The following OPCML variants were observed in gnomAD, a reference collection of about 807,000 sequenced individuals.
The protein encoded by OPCML is opioid binding protein/cell adhesion molecule like.
Under a neutral mutation model 37.8 loss-of-function variants are expected in OPCML, and 13 were observed. The ratio of observed to expected loss-of-function variants is 0.34; its 90% CI spans 0.22 to 0.55. OPCML has a LOEUF of 0.55. Ranked by LOEUF, OPCML falls within the 20% of genes least tolerant of loss-of-function variation. OPCML has a pLI of 0.91. For synonymous variants in OPCML, 176 were observed against 168.8 expected, an observed-to-expected ratio of 1.04 and a Z score of -0.33; for missense variants, 341 against 435.6, an observed-to-expected ratio of 0.78 and a Z score of 1.93.
chr11:133,147,113 G>A (rs543399042), intron 1 of OPCML, among the ~76,000 whole-genome samples: 1 of 152,338 alleles, frequency 6.6e-6, no homozygotes, highest in African/African-American at 2.4e-5. Flanking sequence ...CTGAGTGTCA[G>A]GGGCTGCCGC....
At chr11:133,080,330 A>G (rs770561964) in intron 1 of OPCML, among the ~76,000 whole-genome samples, 1 of 152,146 alleles carries the variant, frequency 6.6e-6, no homozygotes, top group Non-Finnish European at 1.5e-5. Context: ...TTGATTTTCA[A>G]CAAGCTCTCA....
intron 1 of OPCML, among the ~76,000 whole-genome samples, chr11:133,163,824 C>T (rs554778214): frequency 2.6e-5 from 4 of 152,176 alleles, no homozygotes; most frequent in South Asian, 2.1e-4. Flanking sequence ...GAGTAGGCGC[C>T]ATTACTCCCT....
At chr11:132,540,427 C>T (rs138119001) in intron 3 of OPCML, among the ~76,000 whole-genome samples, 8 of 152,216 alleles carry the variant, frequency 5.3e-5, no homozygotes, top group Non-Finnish European at 1.2e-4. Flanking sequence ...AAAATACAAC[C>T]TCTCAGGATC....
At chr11:132,626,382 C>CA (rs938666949) in intron 3 of OPCML, among the ~76,000 whole-genome samples, 70 of 149,826 alleles carry the variant, frequency 4.7e-4, no homozygotes, top group Middle Eastern at 3.4e-3. Context: ...TAAAGCTGGA[C>CA]AAAAAAGAAA....
At chr11:133,429,971 G>T (rs1054607228) in intron 1 of OPCML, among the ~76,000 whole-genome samples, 1 of 152,124 alleles carries the variant, frequency 6.6e-6, no homozygotes, top group African/African-American at 2.4e-5. Flanking sequence ...GGATGGAAGC[G>T]GGGTAGAAGT....
chr11:132,819,814 C>T (rs1939866167), intron 2 of OPCML, among the ~76,000 whole-genome samples: 1 of 152,166 alleles, frequency 6.6e-6, no homozygotes, highest in Admixed American at 6.5e-5. Flanking sequence ...ATACTTTTCT[C>T]CAGATAACCA....
chr11:133,323,183 C>T (rs555621823), intron 1 of OPCML, among the ~76,000 whole-genome samples: 2 of 152,254 alleles, frequency 1.3e-5, no homozygotes, highest in South Asian at 4.1e-4. Flanking sequence ...TGGGGGAAGG[C>T]ATGTGCCAGA....
At chr11:132,589,023 A>G (rs2137690162) in intron 3 of OPCML, among the ~76,000 whole-genome samples, 1 of 152,364 alleles carries the variant, frequency 6.6e-6, no homozygotes, top group East Asian at 1.9e-4. Context: ...GTTTATTAGC[A>G]CGATATAGCC....
chr11:133,090,293 T>C (rs1375762493), intron 1 of OPCML, among the ~76,000 whole-genome samples: 4 of 152,104 alleles, frequency 2.6e-5, no homozygotes, highest in Admixed American at 2.6e-4. Flanking sequence ...AATGGGGACA[T>C]GGCTTTGGAA....
intron 1 of OPCML, among the ~76,000 whole-genome samples, chr11:133,499,787 T>TATATATGTGTGTGTATATATATATAC (rs1555167614): frequency 7.1e-6 from 1 of 141,516 alleles, no homozygotes; most frequent in African/African-American, 2.7e-5. Context: ...TATATATATA[T>TATATATGTGTGTGTATATATATATAC]ACACATATAT....
intron 3 of OPCML, among the ~76,000 whole-genome samples, chr11:132,646,291 A>G (rs947369404): frequency 9.2e-5 from 14 of 152,330 alleles, no homozygotes; most frequent in African/African-American, 3.4e-4. Context: ...AAAAATTTAA[A>G]AAGAAAGAAA....
At chr11:132,554,863 G>GTTTTTTTTTTTTTTTTTTTTTTTT (rs5795789) in intron 3 of OPCML, among the ~76,000 whole-genome samples, 25 of 64,028 alleles carry the variant, frequency 3.9e-4, no homozygotes, top group East Asian at 3.7e-3. Context: ...ATGGGGTAAA[G>GTTTTTTTTTTTTTTTTTTTTTTTT]TTTTTTTTTT....
chr11:133,017,134 C>G (rs1184337418), intron 1 of OPCML, among the ~76,000 whole-genome samples: 1 of 152,184 alleles, frequency 6.6e-6, no homozygotes, highest in Non-Finnish European at 1.5e-5. Flanking sequence ...CATCATCTTT[C>G]TGTGTCCTCA....
At chr11:133,037,597 T>C (rs1194207222) in intron 1 of OPCML, among the ~76,000 whole-genome samples, 1 of 152,212 alleles carries the variant, frequency 6.6e-6, no homozygotes, top group Non-Finnish European at 1.5e-5. Flanking sequence ...GAGTGAAATT[T>C]ATACTTAGCT....
At chr11:132,840,964 C>T (rs1038815522) in intron 2 of OPCML, among the ~76,000 whole-genome samples, 9 of 152,156 alleles carry the variant, frequency 5.9e-5, no homozygotes, top group African/African-American at 1.9e-4. Context: ...ACATGGGACA[C>T]TGCCTCTCAG....
Position 133,177,147 on chromosome 11 carries a change from T to C in OPCML, c.62-234137A>G, listed in dbSNP as rs1947758342. Among the ~76,000 whole-genome samples the C allele has an allele frequency of 6.6e-6, 1 of 152,248 alleles. No individual in the cohort carries two copies. The highest frequency in any genetic ancestry group is 1.5e-5 in the Non-Finnish European group (1 of 68,050). On this transcript the variant is annotated intron_variant, in intron 1 of 7. Transcript: ENST00000524381. The surrounding 1 kb of genome is among the most constrained non-coding windows in gnomAD (Gnocchi z 5.0). ...TCTGTAAAAATGAAGTGTATTCATT[T>C]ATTAATATTTATTCATATTTGAGAG...
intron 1 of OPCML, among the ~76,000 whole-genome samples, chr11:133,473,139 T>A (rs933414041): frequency 1.3e-5 from 2 of 152,150 alleles, no homozygotes; most frequent in Admixed American, 1.3e-4. Flanking sequence ...CACACTTACT[T>A]ACCTAGACTA....
At chr11:132,805,929 G>A (rs577665367) in intron 2 of OPCML, among the ~76,000 whole-genome samples, 2 of 151,950 alleles carry the variant, frequency 1.3e-5, no homozygotes. Flanking sequence ...GTATAAGATG[G>A]AATTCAAAAC....
In OPCML at chr11:132,788,748, G is replaced by GT. The variant is rs539818064; in HGVS notation, c.147-131430dup. Among the ~76,000 whole-genome samples the GT allele has an allele frequency of 2.0e-3, 306 of 152,248 alleles. 1 individual carries two copies. The highest frequency in any genetic ancestry group is 6.9e-3 in the African/African-American group (288 of 41,534). Reference sequence around the variant, plus strand: ...AAATGAAGAAATAAAAACACAAACCGTTTGAGTAGCTTGCCCAAGGTTACC... The same window carrying GT: ...AAATGAAGAAATAAAAACACAAACCGTTTTGAGTAGCTTGCCCAAGGTTACC... On this transcript the variant is annotated intron_variant, in intron 2 of 7. Transcript: ENST00000524381.
Sources: gnomAD v4.1 joint callset for allele counts (sites outside exome capture counted in the v4.1 genomes callset) on GRCh38, gnomAD v4.1.1 for gene constraint, Gnocchi (gnomAD v3.1) non-coding constraint, MANE v1.5 for transcripts, NCBI Gene and HGNC (gene_info 2026-07-23, HGNC 2026-07-21) for gene names.